Variants in TRDN observed in about 807,000 individuals in gnomAD.
The protein encoded by TRDN is triadin in skeletal muscle.
In TRDN, 161 loss-of-function variants were observed where a neutral mutation model predicts 149.7. The observed-to-expected ratio is 1.08, with a 90% CI of 0.95 to 1.23. TRDN has a LOEUF of 1.23. TRDN is among the 50% of genes most tolerant of loss of function. The pLI is 0.00. For missense variants in TRDN, 896 were observed against 823.5 expected (o/e 1.09, Z -1.08); for synonymous variants, 294 against 250.5 (o/e 1.17, Z -1.64).
rs551820252 is a variant in TRDN at position 123,329,655 on chromosome 6, AC to A, written c.1471+2223del. ...TCTGAATTTTGGCTGGTTGTTTGGAACAAAAAAGAAGAAGAATTTCAATGCA... is the reference window on the plus strand; with the variant it reads ...TCTGAATTTTGGCTGGTTGTTTGGAAAAAAAAGAAGAAGAATTTCAATGCA... On this transcript the variant is annotated intron_variant, in intron 23 of 40. Transcript: ENST00000334268. Among the ~76,000 whole-genome samples, 776 of 152,210 alleles carry A rather than the reference AC, an allele frequency of 5.1e-3. 3 individuals are homozygous for A. Among genetic ancestry groups the A allele is most frequent in the Middle Eastern group, 0.034 (10 of 294 alleles).
At position 123,584,678 on chromosome 6, in the gene TRDN, G is replaced by A. The variant is rs193258794; in HGVS notation, c.23-13546C>T. Reference sequence around the variant, plus strand: ...TGAAGCCTTGCGGCAGTACAGCCTAGGTAATTTGCTGAGCCTAGTGGGTGT... The same window carrying A: ...TGAAGCCTTGCGGCAGTACAGCCTAAGTAATTTGCTGAGCCTAGTGGGTGT... On this transcript the variant is annotated intron_variant, in intron 1 of 40. Transcript: ENST00000334268. Among the ~76,000 whole-genome samples, 1,342 of 152,256 alleles carry A rather than the reference G, an allele frequency of 8.8e-3. 16 individuals are homozygous for A. The highest frequency in any genetic ancestry group is 0.031 in the African/African-American group (1,277 of 41,546).
At chr6:123,594,199 C>T (rs979814084) in intron 1 of TRDN, among the ~76,000 whole-genome samples, 1 of 152,056 alleles carries the variant, frequency 6.6e-6, no homozygotes, top group Non-Finnish European at 1.5e-5. Context: ...AAATTAAATG[C>T]AGCTATTTGT....
At chr6:123,471,061 T>A (rs1777123438) in intron 9 of TRDN, 1 of 152,292 alleles carries the variant, frequency 6.6e-6, no homozygotes, top group South Asian at 2.1e-4. Context: ...CAGGGAAATG[T>A]TATAAGGAAT....
intron 37 of TRDN, 137 bp downstream of exon 37, chr6:123,254,944 G>A: frequency 1.6e-6 from 1 of 608,886 alleles, no homozygotes; most frequent in East Asian, 3.1e-5. Flanking sequence ...TTTTCTACCT[G>A]TCCACTTCCT....
At chr6:123,412,326 G>A (rs1773476437) in intron 12 of TRDN, among the ~76,000 whole-genome samples, 1 of 152,150 alleles carries the variant, frequency 6.6e-6, no homozygotes, top group South Asian at 2.1e-4. Flanking sequence ...GCCAATAACT[G>A]TATTAAGCTG....
intron 12 of TRDN, among the ~76,000 whole-genome samples, chr6:123,431,364 C>T (rs1774335515): frequency 6.6e-6 from 1 of 152,032 alleles, no homozygotes; most frequent in Admixed American, 6.6e-5. Flanking sequence ...AATACAACTG[C>T]CCCAATATCA....
intron 38 of TRDN, among the ~76,000 whole-genome samples, chr6:123,227,788 C>A (rs1775441365): frequency 6.6e-6 from 1 of 151,812 alleles, no homozygotes; most frequent in South Asian, 2.1e-4. Context: ...CACTCTGTCA[C>A]CCAGGGTGGA....
At chr6:123,454,495 C>T (rs1775984481) in intron 10 of TRDN, among the ~76,000 whole-genome samples, 1 of 152,122 alleles carries the variant, frequency 6.6e-6, no homozygotes, top group African/African-American at 2.4e-5. Context: ...ACTTCATTCT[C>T]AGGTAAAAGT....
At chr6:123,529,468 T>A (rs757500446) in intron 5 of TRDN, 1 of 1,025,992 alleles carries the variant, frequency 9.7e-7, no homozygotes, top group South Asian at 1.4e-5. Flanking sequence ...AGACATAATA[T>A]CTGTAGAATG....
chr6:123,556,343 TTCAA>T (rs1413216463), intron 2 of TRDN, among the ~76,000 whole-genome samples: 2 of 152,182 alleles, frequency 1.3e-5, no homozygotes, highest in African/African-American at 4.8e-5. Context: ...TAGATTTTCA[TTCAA>T]TGAGATTTTT....
chr6:123,348,331 A>T (rs1318770299), intron 21 of TRDN, among the ~76,000 whole-genome samples: 2 of 152,124 alleles, frequency 1.3e-5, no homozygotes, highest in Non-Finnish European at 2.9e-5. Context: ...TTGACCTGAA[A>T]TGTGTAACTT....
At chr6:123,352,106 A>G (rs1007626741) in intron 21 of TRDN, 1 of 982,812 alleles carries the variant, frequency 1.0e-6, no homozygotes, top group Admixed American at 6.2e-5. Context: ...TATTTTCTTC[A>G]TTTTAACTTT....
chr6:123,557,175 C>A (rs1781716808), intron 2 of TRDN, among the ~76,000 whole-genome samples: 1 of 152,064 alleles, frequency 6.6e-6, no homozygotes, highest in Non-Finnish European at 1.5e-5. Flanking sequence ...CAGACTCAGC[C>A]CGCCTGCACC....
chr6:123,467,452 G>T (rs1345399698), intron 9 of TRDN, among the ~76,000 whole-genome samples: 1 of 151,886 alleles, frequency 6.6e-6, no homozygotes, highest in African/African-American at 2.4e-5. Flanking sequence ...TTTTTATTCT[G>T]CTCTCTAACA....
Position 123,274,631 on chromosome 6 carries a change from C to T in TRDN, c.1597+10G>A, listed in dbSNP as rs150165710. The T allele has an allele frequency of 3.7e-6, 6 of 1,605,314 alleles. No individual in the cohort carries two copies. Among genetic ancestry groups the T allele is most frequent in the Non-Finnish European group, 5.1e-6 (6 of 1,175,022 alleles). ...AACTCTGAATCTATATAAAATAAAGCTCATGTTACCTGGTTTTGCTTCTTT... is the reference window on the plus strand; with the variant it reads ...AACTCTGAATCTATATAAAATAAAGTTCATGTTACCTGGTTTTGCTTCTTT... On this transcript the variant is annotated intron_variant, in intron 27 of 40. Transcript: ENST00000334268.
intron 12 of TRDN, among the ~76,000 whole-genome samples, chr6:123,398,257 G>T (rs1025361657): frequency 6.6e-6 from 1 of 152,052 alleles, no homozygotes; most frequent in South Asian, 2.1e-4. Flanking sequence ...CACCTGCCTC[G>T]GCCTCCCAAA....
At position 123,439,335 on chromosome 6, in the gene TRDN, T is replaced by C. The variant is rs527605780; in HGVS notation, c.932-332A>G. On this transcript the variant is annotated intron_variant, in intron 10 of 40. Transcript: ENST00000334268. ...TATCTAGTGCCTAAAAGTATTGATATATAAAATTAAAATATATTTCTTGGA... is the reference window on the plus strand; with the variant it reads ...TATCTAGTGCCTAAAAGTATTGATACATAAAATTAAAATATATTTCTTGGA... Among the ~76,000 whole-genome samples the C allele has an allele frequency of 5.3e-5, 8 of 152,320 alleles. No homozygotes were observed. The East Asian group carries it at 1.5e-3, about 29-fold the overall frequency.
intron 12 of TRDN, among the ~76,000 whole-genome samples, chr6:123,411,278 C>A (rs1202477485): frequency 6.6e-6 from 1 of 151,974 alleles, no homozygotes; most frequent in Non-Finnish European, 1.5e-5. Context: ...AACTCCTGAC[C>A]TCATGATCCG....
Position 123,400,324 on chromosome 6 carries a change from A to C in TRDN, c.1052-6647T>G, listed in dbSNP as rs6906328. ...GGGCCTCTAATTTTGACAGTCCCCA[A>C]CATTTTTGGCACCAGGGCCTGGTTT... On this transcript the variant is annotated intron_variant, in intron 12 of 40. Coordinates refer to ENST00000334268, the MANE Select transcript of TRDN (RefSeq NM_006073.4). Among the ~76,000 whole-genome samples the C allele has an allele frequency of 6.6e-3, 1,003 of 151,916 alleles. 10 individuals are homozygous for C. The highest frequency in any genetic ancestry group is 0.023 in the African/African-American group (973 of 41,432).
Sources: gnomAD v4.1 joint callset for allele counts (sites outside exome capture counted in the v4.1 genomes callset) on GRCh38, gnomAD v4.1.1 for gene constraint, MANE v1.5 for transcripts, NCBI Gene and HGNC (gene_info 2026-07-23, HGNC 2026-07-21) for gene names.